CYP4A22: variants seen among roughly 807,000 people sequenced by gnomAD.
CYP4A22 encodes cytochrome P450 family 4 subfamily A member 22, also known as cytochrome P450 4A22.
CYP4A22 carries 46 observed loss-of-function variants against 56.2 expected under a neutral mutation model. The observed-to-expected ratio is 0.82, with a 90% confidence interval of 0.65 to 1.05. CYP4A22 has a LOEUF of 1.05. CYP4A22 is among the 50% of genes least tolerant of loss of function. The pLI, the probability that CYP4A22 is intolerant of heterozygous loss-of-function variation, is 0.00. For missense variants in CYP4A22, 541 were observed against 645.9 expected (o/e 0.84, Z 1.76); for synonymous variants, 193 against 251.1 (o/e 0.77, Z 2.19).
chr1:47,143,613 C>T, intron 5 of CYP4A22, 149 bp from the exon 6 acceptor site: 1 of 1,276,402 alleles, frequency 7.8e-7, no homozygotes, highest in South Asian at 1.6e-5. Flanking sequence ...CTGATAAAGG[C>T]CAAAGGATAA....
At chr1:47,142,985 T>C (rs1172621715) in intron 4 of CYP4A22, among the ~76,000 whole-genome samples, 1 of 152,240 alleles carries the variant, frequency 6.6e-6, no homozygotes, top group Admixed American at 6.5e-5. Flanking sequence ...CACAAGCATA[T>C]GTCCTAACTG....
At position 47,144,535 on chromosome 1, in the gene CYP4A22, C is replaced by T. The variant is rs764489357; in HGVS notation, c.898-15C>T. 5 of 1,613,920 alleles carry T rather than the reference C, an allele frequency of 3.1e-6. No homozygotes were observed. Among genetic ancestry groups the T allele is most frequent in the African/African-American group, 2.7e-5 (2 of 74,950 alleles). ...GCAAGAGACAAGCCCTGCACTTTCA[C>T]CACGGTCTTCCCAGATGGAGAATGG... On this transcript the variant is annotated splice_polypyrimidine_tract_variant and intron_variant, in intron 7 of 11. Coordinates refer to ENST00000371891, the MANE Select transcript of CYP4A22 (RefSeq NM_001010969.4).
Position 47,148,914 on chromosome 1 carries a change from A to G in CYP4A22, c.*117A>G. ...TCTTCCCACCTGCCTGCTGTCCCCC[A>G]GTCTGCCTGCCCTTCTCTCTCTCAC... On this transcript the variant is annotated 3_prime_UTR_variant, in exon 12 of 12. Transcript: ENST00000371891. 8.1e-7 allele frequency: 1 copy of G among 1,235,928 alleles called. No homozygotes were observed. The highest frequency in any genetic ancestry group is 2.7e-5 in the East Asian group (1 of 36,406). The allele number at this position is 1,235,928 out of a possible 1,614,324, so 76.6% of individuals were successfully genotyped here. A position where few individuals can be genotyped will look rare whatever the true frequency, so the allele number is the denominator to read the frequency against.
In CYP4A22 at chr1:47,146,152, A is replaced by G. The variant is rs1557650086; in HGVS notation, c.1363A>G (p.Arg455Gly). 12 of 1,614,190 alleles carry G rather than the reference A, an allele frequency of 7.4e-6. No homozygotes were observed. The highest frequency in any genetic ancestry group is 1.0e-5 in the Non-Finnish European group (12 of 1,180,040). ...TTTCCTGCCCTTCTCAGGAGGATCA[A>G]GGTGAGACGTCCTGTGTGGTAATTG... ...HAFLPFSGGS[R>G]NCIGKQFAMN... is the part of the protein sequence containing the mutation. Residue 455 changes from arginine to glycine, a missense_variant and splice_region_variant, in exon 11 of 12, where the codon AGG (arginine) becomes GGG (glycine). Transcript: ENST00000371891.
In CYP4A22 at chr1:47,148,750, C is replaced by T. The variant is rs148057835; in HGVS notation, c.1513C>T (p.Arg505Cys). 1.7e-4 allele frequency: 278 copies of T among 1,613,722 alleles called. No homozygotes were observed. The highest frequency in any genetic ancestry group is 8.0e-4 in the East Asian group (36 of 44,860). The change falls in exon 12 of 12, where the codon CGT (arginine) becomes TGT (cysteine). Residue 505 changes from arginine (R) to cysteine (C), a missense_variant. Arg to Cys is a radical substitution (Grantham distance 180, BLOSUM62 -3). Coordinates refer to ENST00000371891, the MANE Select transcript of CYP4A22 (RefSeq NM_001010969.4). ...GAAATCCAAAAATGGAATCCACCTG[C>T]GTCTCAGGAGGCTCCCTAACCCTTG... ...VLKSKNGIHLRLRRLPNPCED... is the reference protein window; with the variant it reads ...VLKSKNGIHLCLRRLPNPCED...
chr1:47,142,024 T>G, intron 3 of CYP4A22, 84 bp from the exon 4 acceptor site: 2 of 1,523,688 alleles, frequency 1.3e-6, no homozygotes, highest in South Asian at 1.3e-5. Flanking sequence ...AAGCCACCTT[T>G]CTCCCTCCCA....
Position 47,146,077 on chromosome 1 carries a change from G to C in CYP4A22, c.1288G>C (p.Val430Leu), listed in dbSNP as rs557697033. ...HNPKVWPNLEVFDPSRFAPGS... is the reference protein window; with the variant it reads ...HNPKVWPNLELFDPSRFAPGS... Reference sequence around the variant, plus strand: ...CCTGGCTCTGGTGCTCTCTCTGCAGGTGTTTGACCCTTCCCGTTTTGCACC... The same window carrying C: ...CCTGGCTCTGGTGCTCTCTCTGCAGCTGTTTGACCCTTCCCGTTTTGCACC... The change falls in exon 11 of 12, where the codon GTG becomes CTG. Residue 430 changes from valine to leucine, a missense_variant and splice_region_variant. Physicochemically the swap from Val to Leu is conservative, Grantham distance 32. Coordinates refer to ENST00000371891, the MANE Select transcript of CYP4A22 (RefSeq NM_001010969.4). 6.2e-7 allele frequency: 1 copy of C among 1,614,170 alleles called. No individual in the cohort carries two copies. The highest frequency in any genetic ancestry group is 1.1e-5 in the South Asian group (1 of 91,082).
intron 1 of CYP4A22, among the ~76,000 whole-genome samples, chr1:47,139,194 C>T (rs777051522): frequency 7.9e-5 from 12 of 152,190 alleles, no homozygotes; most frequent in Non-Finnish European, 1.6e-4. Context: ...CGGTCAAGGC[C>T]CAGCACCAAG....
chr1:47,143,993 AG>A, intron 6 of CYP4A22, 77 bp downstream of exon 6: 2 of 1,533,736 alleles, frequency 1.3e-6, no homozygotes, highest in East Asian at 2.3e-5. Context: ...CAGGCAGAGA[AG>A]GTCCCTAGTA....
chr1:47,147,426 C>T (rs192047341), intron 11 of CYP4A22: 3 of 985,042 alleles, frequency 3.0e-6, no homozygotes, highest in Admixed American at 1.2e-4. Flanking sequence ...GGGTCAAGTC[C>T]TATGCAGCAT....
In CYP4A22 at chr1:47,146,939, T is replaced by C. The variant is rs1429764115; in HGVS notation, c.1364+786T>C. 8 of 985,228 alleles carry C rather than the reference T, an allele frequency of 8.1e-6. No individual in the cohort carries two copies. In the East Asian group the frequency reaches 7.9e-4, roughly 98 times the overall value. The allele number at this position is 985,228 out of a possible 1,614,324, so 61.0% of individuals were successfully genotyped here. A position where few individuals can be genotyped will look rare whatever the true frequency, so the allele number is the denominator to read the frequency against. On this transcript the variant is annotated intron_variant, in intron 11 of 11. Coordinates refer to ENST00000371891, the MANE Select transcript of CYP4A22 (RefSeq NM_001010969.4). ...GGAGAGAAAAGCCCAATAATTATCATATAACGCACAACATTTGAAGCCTCC... is the reference window on the plus strand; with the variant it reads ...GGAGAGAAAAGCCCAATAATTATCACATAACGCACAACATTTGAAGCCTCC...
intron 11 of CYP4A22, chr1:47,147,274 T>G (rs1405354745): frequency 1.4e-5 from 14 of 985,356 alleles, no homozygotes; most frequent in African/African-American, 7.0e-5. Flanking sequence ...TCGCTGCCAC[T>G]AGAGAACCGG....
intron 3 of CYP4A22, 37 bp from the exon 4 acceptor site, chr1:47,142,071 T>C (rs1224481988): frequency 6.9e-6 from 11 of 1,591,290 alleles, no homozygotes; most frequent in Non-Finnish European, 9.4e-6. Flanking sequence ...GTGCAGCCTC[T>C]GATACACACA....
chr1:47,144,428 C>A lies in CYP4A22; in HGVS notation c.862C>A (p.His288Asn). Residue 288 changes from histidine to asparagine, a missense_variant, in exon 7 of 12, where the codon CAC (histidine) becomes AAC (asparagine). By Grantham distance (68) the His-to-Asn change is moderately conservative. Around this residue, in one of 3 missense-constraint regions of CYP4A22, gnomAD observed 335 missense variants for 361.2 expected, o/e 0.93. Transcript: ENST00000371891. Reference sequence around the variant, plus strand: ...GCTGGAGAAGATCAAGAGGAAGAGGCACTTGGATTTTCTGGACATCCTCCT... The same window carrying A: ...GCTGGAGAAGATCAAGAGGAAGAGGAACTTGGATTTTCTGGACATCCTCCT... ...GELEKIKRKR[H>N]LDFLDILLLA... 1 of 1,613,954 alleles carries A rather than the reference C, an allele frequency of 6.2e-7. No individual in the cohort carries two copies. Among genetic ancestry groups the A allele is most frequent in the Non-Finnish European group, 8.5e-7 (1 of 1,179,846 alleles).
chr1:47,137,753 A>G (rs1644960117), intron 1 of CYP4A22, 73 bp downstream of exon 1: 1 of 1,528,832 alleles, frequency 6.5e-7, no homozygotes, highest in Non-Finnish European at 8.8e-7. Context: ...CACAAAATCC[A>G]TAGAGCAAAG....
At chr1:47,145,998 T>C in intron 10 of CYP4A22, 68 bp downstream of exon 10, 1 of 1,614,016 alleles carries the variant, frequency 6.2e-7, no homozygotes, top group Non-Finnish European at 8.5e-7. Flanking sequence ...TGCTTCCACC[T>C]CTGGGAGTAC....
chr1:47,145,217 C>A (rs1645063661), intron 9 of CYP4A22, among the ~76,000 whole-genome samples: 1 of 152,172 alleles, frequency 6.6e-6, no homozygotes, highest in African/African-American at 2.4e-5. Context: ...AAATCCTATT[C>A]CTTGAGATGT....
chr1:47,141,443 G>A, intron 2 of CYP4A22, 128 bp from the exon 3 acceptor site: 1 of 1,025,896 alleles, frequency 9.7e-7, no homozygotes, highest in Non-Finnish European at 1.5e-6. Flanking sequence ...AATAGAAGTG[G>A]ATGGGAGTCA....
chr1:47,144,013 G>C (rs1645044785), intron 6 of CYP4A22, 97 bp downstream of exon 6: 1 of 1,516,180 alleles, frequency 6.6e-7, no homozygotes, highest in African/African-American at 1.4e-5. Context: ...TAATCCTGCA[G>C]AAGCCAGAAC....
Sources: gnomAD v4.1 joint callset for allele counts (sites outside exome capture counted in the v4.1 genomes callset) on GRCh38, gnomAD v4.1.1 for gene constraint, gnomAD v4.1.1 regional missense constraint, MANE v1.5 for transcripts, NCBI Gene and HGNC (gene_info 2026-07-23, HGNC 2026-07-21) for gene names.